CDH12: variants seen among roughly 807,000 people sequenced by gnomAD.
CDH12 encodes the protein cadherin 12, also known as cadherin-12.
Under a neutral mutation model 74.1 loss-of-function variants are expected in CDH12, and 41 were observed. The observed-to-expected ratio is 0.55, with a 90% CI of 0.43 to 0.72. The LOEUF is 0.72. Ranked by LOEUF, CDH12 falls within the 30% of genes least tolerant of loss-of-function variation. The probability of loss-of-function intolerance (pLI) is 0.00; values close to 1 mark genes in which losing one functional copy is unlikely to be tolerated. For missense variants in CDH12, 945 were observed against 977.2 expected, an observed-to-expected ratio of 0.97 and a Z score of 0.44; for synonymous variants, 399 against 355.0, an observed-to-expected ratio of 1.12 and a Z score of -1.39.
intron 2 of CDH12, among the ~76,000 whole-genome samples, chr5:22,427,027 T>C (rs543895406): frequency 6.6e-6 from 1 of 152,152 alleles, no homozygotes; most frequent in South Asian, 2.1e-4. Context: ...TCTTCCCCTC[T>C]TTCCTTCACC....
chr5:22,113,419 T>C (rs954632115), intron 4 of CDH12, among the ~76,000 whole-genome samples: 1 of 152,142 alleles, frequency 6.6e-6, no homozygotes, highest in Non-Finnish European at 1.5e-5. Flanking sequence ...CTCCATGATC[T>C]TTCATCTTAA....
intron 5 of CDH12, among the ~76,000 whole-genome samples, chr5:22,059,135 T>C (rs1740975530): frequency 6.6e-6 from 1 of 152,144 alleles, no homozygotes; most frequent in Non-Finnish European, 1.5e-5. Context: ...AAAGATAGGT[T>C]TAAATATTTT....
chr5:22,461,266 C>A (rs2136217), intron 2 of CDH12, among the ~76,000 whole-genome samples: 4 of 151,466 alleles, frequency 2.6e-5, no homozygotes, highest in African/African-American at 9.7e-5. Flanking sequence ...GACCTCAAGT[C>A]ATTCACCTGC....
At chr5:21,792,981 G>A (rs1038571572) in intron 10 of CDH12, among the ~76,000 whole-genome samples, 4 of 151,726 alleles carry the variant, frequency 2.6e-5, no homozygotes, top group Admixed American at 1.3e-4. Context: ...TGCAGTAAAC[G>A]TTGATATCTG....
chr5:22,719,280 G>T (rs1292322705), intron 1 of CDH12, among the ~76,000 whole-genome samples: 2 of 152,142 alleles, frequency 1.3e-5, no homozygotes, highest in Admixed American at 1.3e-4. Flanking sequence ...ATGTATAATG[G>T]TATGTAAAGC....
At chr5:21,892,075 T>C (rs1390180786) in intron 6 of CDH12, among the ~76,000 whole-genome samples, 2 of 152,270 alleles carry the variant, frequency 1.3e-5, no homozygotes, top group Non-Finnish European at 2.9e-5. Context: ...ATCTTGGACT[T>C]CCAGTTAATA....
chr5:22,516,183 AG>A (rs1404866019), intron 1 of CDH12, among the ~76,000 whole-genome samples: 1 of 152,200 alleles, frequency 6.6e-6, no homozygotes, highest in East Asian at 1.9e-4. Context: ...GCCAATGTTG[AG>A]AATGTGGCAA....
chr5:22,574,714 T>C (rs1277694966), intron 1 of CDH12, among the ~76,000 whole-genome samples: 1 of 152,186 alleles, frequency 6.6e-6, no homozygotes, highest in African/African-American at 2.4e-5. Flanking sequence ...TTTCCTTCTC[T>C]TCCTCTTAAC....
At position 22,711,789 on chromosome 5, in the gene CDH12, T is replaced by C. The variant is rs1341416533; in HGVS notation, c.-523+141269A>G. 2.6e-5 allele frequency among the ~76,000 whole-genome samples: 4 copies of C among 152,166 alleles called. No homozygotes were observed. The East Asian group carries it at 7.7e-4, about 29-fold the overall frequency. The stretch of plus-strand genomic sequence containing the variant: ...AAATTAAGAGTTGATTGACTGATTT[T>C]CAAAAAACACTTGAACTAAATGTGT... On this transcript the variant is annotated intron_variant, in intron 1 of 14. Coordinates refer to ENST00000382254, the MANE Select transcript of CDH12 (RefSeq NM_004061.5).
rs956876035 is a variant in CDH12, at chr5:21,893,304, C to T, written c.527-38514G>A. On this transcript the variant is annotated intron_variant, in intron 6 of 14. Transcript: ENST00000382254. The stretch of plus-strand genomic sequence containing the variant: ...GGATTCAGAAATTATACTAATAGAA[C>T]CTCAGCAAAAACAGGGCCACAATAA... 2.6e-5 allele frequency among the ~76,000 whole-genome samples: 4 copies of T among 152,058 alleles called. 1 individual carries two copies. The highest frequency in any genetic ancestry group is 9.7e-5 in the African/African-American group (4 of 41,400).
At chr5:22,448,988 G>C (rs1206689328) in intron 2 of CDH12, among the ~76,000 whole-genome samples, 1 of 151,388 alleles carries the variant, frequency 6.6e-6, no homozygotes, top group African/African-American at 2.4e-5. Flanking sequence ...ATAATAAAAA[G>C]CACAAAACAA....
intron 1 of CDH12, among the ~76,000 whole-genome samples, chr5:22,660,210 T>G (rs1740273106): frequency 6.6e-6 from 1 of 152,260 alleles, no homozygotes; most frequent in African/African-American, 2.4e-5. Flanking sequence ...CAAACACACA[T>G]ATGCTAGAAA....
rs138611955 is a variant in CDH12 at position 21,921,056 on chromosome 5, A to G, written c.526+54035T>C. Among the ~76,000 whole-genome samples the G allele has an allele frequency of 1.1e-4, 17 of 152,344 alleles. No homozygotes were observed. The East Asian group carries it at 3.3e-3, about 29-fold the overall frequency. On this transcript the variant is annotated intron_variant, in intron 6 of 14. Transcript: ENST00000382254. ...ACAGAAAAACCTTTTCCTCTAAAGCATTAAAATTGTCATCTCTCTTCTGTC... is the reference window on the plus strand; with the variant it reads ...ACAGAAAAACCTTTTCCTCTAAAGCGTTAAAATTGTCATCTCTCTTCTGTC...
intron 6 of CDH12, among the ~76,000 whole-genome samples, chr5:21,892,153 G>C (rs1752928038): frequency 6.6e-6 from 1 of 152,076 alleles, no homozygotes; most frequent in Admixed American, 6.6e-5. Context: ...ACTGTATTTG[G>C]GGAGTAAAAG....
chr5:22,005,302 C>T (rs199611110), intron 5 of CDH12, among the ~76,000 whole-genome samples: 1 of 152,108 alleles, frequency 6.6e-6, no homozygotes, highest in Non-Finnish European at 1.5e-5. Context: ...CTCGGCCTCC[C>T]AAAGTGCTGG....
At chr5:21,823,613 A>C (rs571093140) in intron 8 of CDH12, among the ~76,000 whole-genome samples, 27 of 152,242 alleles carry the variant, frequency 1.8e-4, no homozygotes, top group African/African-American at 6.5e-4. Flanking sequence ...AAAATTGCTT[A>C]AAAAGCACAC....
At chr5:22,558,695 A>C (rs1013793318) in intron 1 of CDH12, among the ~76,000 whole-genome samples, 1 of 152,094 alleles carries the variant, frequency 6.6e-6, no homozygotes, top group Non-Finnish European at 1.5e-5. Context: ...TACGAAATAA[A>C]AAAATAAGTC....
chr5:21,842,313 G>T lies in CDH12; in HGVS notation c.662C>A (p.Ala221Asp), dbSNP rs1561233951. 1 of 1,609,854 alleles carries T rather than the reference G, an allele frequency of 6.2e-7. No homozygotes were observed. The highest frequency in any genetic ancestry group is 8.5e-7 in the Non-Finnish European group (1 of 1,177,654). The change falls in exon 8 of 15, where the codon GCT (alanine) becomes GAT (aspartate). Residue 221 changes from alanine to aspartate, a missense_variant. By Grantham distance (126) the Ala-to-Asp change is moderately radical. Transcript: ENST00000382254. ...GACTTCTCTGTCCATGTTTGGCAAA[G>T]CTGTTCTAATAACACCTTAAGGGAT... is the stretch of plus-strand genomic sequence containing the variant. ...IDPKTGVIRT[A>D]LPNMDREVKE...
intron 5 of CDH12, among the ~76,000 whole-genome samples, chr5:21,996,749 T>C (rs1371357898): frequency 6.6e-6 from 1 of 152,150 alleles, no homozygotes; most frequent in Non-Finnish European, 1.5e-5. Context: ...TCAGATAAAA[T>C]ACATTACATT....
Sources: allele counts gnomAD v4.1 joint callset (sites outside exome capture counted in the v4.1 genomes callset), GRCh38; gene constraint gnomAD v4.1.1; transcripts MANE v1.5; gene names NCBI Gene and HGNC (gene_info 2026-07-23, HGNC 2026-07-21).